The following PCDHA7 variants were observed in gnomAD, a reference collection of about 807,000 sequenced individuals.
PCDHA7 encodes protocadherin alpha-7.
PCDHA7 carries 37 observed loss-of-function variants against 57.2 expected under a neutral mutation model. That is an observed-to-expected ratio of 0.65 (90% CI 0.50 to 0.85). The LOEUF is 0.85. PCDHA7 is among the 40% of genes least tolerant of loss of function. PCDHA7 has a pLI of 0.00. For synonymous variants in PCDHA7, 553 were observed against 558.8 expected, an observed-to-expected ratio of 0.99 and a Z score of 0.15; for missense variants, 1,188 against 1,241.8, an observed-to-expected ratio of 0.96 and a Z score of 0.65.
At chr5:140,910,037 C>G (rs1290917830) in intron 1 of PCDHA7, among the ~76,000 whole-genome samples, 1 of 152,198 alleles carries the variant, frequency 6.6e-6, no homozygotes, top group Non-Finnish European at 1.5e-5. Context: ...ATAAATCCCA[C>G]TTGGTCATAA....
At chr5:140,939,973 A>G (rs782675791) in intron 1 of PCDHA7, among the ~76,000 whole-genome samples, 4 of 152,234 alleles carry the variant, frequency 2.6e-5, no homozygotes, top group Non-Finnish European at 4.4e-5. Flanking sequence ...TCCACGATGA[A>G]TAGTGAATTG....
intron 1 of PCDHA7, among the ~76,000 whole-genome samples, chr5:140,885,103 C>G (rs1336980793): frequency 6.6e-6 from 1 of 152,018 alleles, no homozygotes; most frequent in Non-Finnish European, 1.5e-5. Context: ...CACATAAATG[C>G]TTTTTTTAAG....
At chr5:140,941,194 TCTTTCTTCCTTTCTTTCTTCC>T (rs1563183817) in intron 1 of PCDHA7, among the ~76,000 whole-genome samples, 5 of 112,350 alleles carry the variant, frequency 4.5e-5, no homozygotes, top group Admixed American at 9.1e-5. Flanking sequence ...TCTTTTTTTT[TCTTTCTTCCTTTCTTTCTTCC>T]TTTCTTTCTT....
Position 140,883,541 on chromosome 5 carries a change from G to T in PCDHA7, c.2355+46803G>T, listed in dbSNP as rs781952906. On this transcript the variant is annotated intron_variant, in intron 1 of 3. Coordinates refer to ENST00000525929, the MANE Select transcript of PCDHA7 (RefSeq NM_018910.3). Reference sequence around the variant, plus strand: ...GAGCGTATCAGCCTATGAACTGGTGGTGACCGCGCGGGACGGGGGCTCGCC... The same window carrying T: ...GAGCGTATCAGCCTATGAACTGGTGTTGACCGCGCGGGACGGGGGCTCGCC... 4.3e-6 allele frequency: 7 copies of T among 1,614,116 alleles called. No individual in the cohort carries two copies. In the East Asian group the frequency reaches 1.1e-4, roughly 26 times the overall value.
At chr5:140,892,242 C>A (rs1554185127) in intron 1 of PCDHA7, among the ~76,000 whole-genome samples, 3 of 152,034 alleles carry the variant, frequency 2.0e-5, no homozygotes, top group Non-Finnish European at 4.4e-5. Context: ...TCCACATAAA[C>A]CTGGTTATCT....
chr5:140,898,765 G>C (rs1336398509), intron 1 of PCDHA7, among the ~76,000 whole-genome samples: 1 of 151,640 alleles, frequency 6.6e-6, no homozygotes, highest in African/African-American at 2.4e-5. Context: ...CATTGAATCT[G>C]TAAATTACCT....
intron 1 of PCDHA7, among the ~76,000 whole-genome samples, chr5:140,913,412 T>G (rs2076324998): frequency 6.6e-6 from 1 of 152,222 alleles, no homozygotes; most frequent in African/African-American, 2.4e-5. Context: ...TTTGAATTCC[T>G]GCAGTATCAG....
At chr5:140,857,939 A>C in intron 1 of PCDHA7, 1 of 1,597,618 alleles carries the variant, frequency 6.3e-7, no homozygotes, top group Middle Eastern at 1.7e-4. Flanking sequence ...GGGCGAGATC[A>C]GTACGACGCG....
At chr5:140,840,754 G>A (rs1776856171) in intron 1 of PCDHA7, among the ~76,000 whole-genome samples, 1 of 152,010 alleles carries the variant, frequency 6.6e-6, no homozygotes. Flanking sequence ...AAGAACACAA[G>A]AAGATAAAAT....
intron 1 of PCDHA7, among the ~76,000 whole-genome samples, chr5:140,855,336 A>AT (rs1438851451): frequency 6.7e-6 from 1 of 149,788 alleles, no homozygotes; most frequent in Non-Finnish European, 1.5e-5. Context: ...AGGTTAAACG[A>AT]TTTTCCCAAG....
At chr5:140,856,119 A>G (rs782020835) in intron 1 of PCDHA7, 1 of 1,597,678 alleles carries the variant, frequency 6.3e-7, no homozygotes, top group East Asian at 2.2e-5. Flanking sequence ...GCAGCCTGGG[A>G]GGTGGGGAGC....
chr5:140,863,469 G>T, intron 1 of PCDHA7: 3 of 498,172 alleles, frequency 6.0e-6, no homozygotes, highest in South Asian at 4.7e-5. Context: ...TTACTCTGGA[G>T]AGTCGCCTCC....
intron 3 of PCDHA7, among the ~76,000 whole-genome samples, chr5:140,983,987 C>T (rs1372272659): frequency 6.6e-6 from 1 of 152,126 alleles, no homozygotes; most frequent in East Asian, 1.9e-4. Context: ...CGAGTTGAAG[C>T]AATTCATTAG....
rs2150217756 is a variant in PCDHA7 at position 140,834,432 on chromosome 5, T to A, written c.49T>A (p.Phe17Ile). 1 of 1,613,886 alleles carries A rather than the reference T, an allele frequency of 6.2e-7. No homozygotes were observed. Among genetic ancestry groups the A allele is most frequent in the South Asian group, 1.1e-5 (1 of 91,062 alleles). The change falls in exon 1 of 4, where the codon TTT becomes ATT. Residue 17 changes from phenylalanine (F) to isoleucine (I), a missense_variant. Coordinates refer to ENST00000525929, the MANE Select transcript of PCDHA7 (RefSeq NM_018910.3). ...YDPGGRHLLL[F>I]IIILAAWEAG... ...CCCAGGGGGCCGACATCTACTGCTG[T>A]TTATTATAATTCTAGCAGCTTGGGA...
At chr5:140,852,794 G>A (rs2042475674) in intron 1 of PCDHA7, 1 of 976,830 alleles carries the variant, frequency 1.0e-6, no homozygotes, top group South Asian at 4.8e-5. Flanking sequence ...GGATGCTACA[G>A]ATGTCATTTG....
rs181858092 is a variant in PCDHA7 at position 140,895,275 on chromosome 5, A to G, written c.2355+58537A>G. The stretch of plus-strand genomic sequence containing the variant: ...TTTCTTTTTTTTCTTACTCAGGGAT[A>G]ATTGAATTAGGACCTTCGATTTCCC... On this transcript the variant is annotated intron_variant, in intron 1 of 3. Transcript: ENST00000525929. 2.0e-5 allele frequency among the ~76,000 whole-genome samples: 3 copies of G among 152,146 alleles called. No individual in the cohort carries two copies. The East Asian group carries it at 5.8e-4, about 29-fold the overall frequency.
At chr5:140,950,976 A>G (rs543425095) in intron 1 of PCDHA7, among the ~76,000 whole-genome samples, 188 of 151,348 alleles carry the variant, frequency 1.2e-3, no homozygotes, top group African/African-American at 4.3e-3. Flanking sequence ...AGATTCATTG[A>G]CTTTTGCCTC....
chr5:140,894,239 A>C (rs1323710769), intron 1 of PCDHA7, among the ~76,000 whole-genome samples: 11 of 152,028 alleles, frequency 7.2e-5, no homozygotes, highest in African/African-American at 2.2e-4. Flanking sequence ...ATGACAATGT[A>C]ATTTTCTTTT....
intron 1 of PCDHA7, chr5:140,857,783 C>G: frequency 1.3e-6 from 2 of 1,597,710 alleles, no homozygotes; most frequent in Middle Eastern, 1.7e-4. Flanking sequence ...AGTCAGTGAG[C>G]TGGTGCTGCG....
Sources: gnomAD v4.1 joint callset for allele counts (sites outside exome capture counted in the v4.1 genomes callset) on GRCh38, gnomAD v4.1.1 for gene constraint, MANE v1.5 for transcripts, NCBI Gene and HGNC (gene_info 2026-07-23, HGNC 2026-07-21) for gene names.